Variants in ATF6 observed in about 807,000 individuals in gnomAD.
ATF6 encodes the protein cyclic AMP-dependent transcription factor ATF-6 alpha.
In ATF6, 53 loss-of-function variants were observed where a neutral mutation model predicts 83.6. That is an observed-to-expected ratio of 0.63 (90% CI 0.51 to 0.80). ATF6 has a LOEUF of 0.80. Ranked by LOEUF, ATF6 falls within the 30% of genes least tolerant of loss-of-function variation. The pLI, the probability that ATF6 is intolerant of heterozygous loss-of-function variation, is 0.00. For missense variants in ATF6, 744 were observed against 797.9 expected, an observed-to-expected ratio of 0.93 and a Z score of 0.81; for synonymous variants, 288 against 285.8, an observed-to-expected ratio of 1.01 and a Z score of -0.08.
rs1688999167 is a variant in ATF6 at position 161,957,884 on chromosome 1, C to T, written c.1805-562C>T. On this transcript the variant is annotated intron_variant, in intron 15 of 15. Transcript: ENST00000367942. The stretch of plus-strand genomic sequence containing the variant: ...CTATAACTTGTCAGTTTTCACTGTA[C>T]CTCACACTCCTAATGGCAAACCTTT... 3.3e-5 allele frequency among the ~76,000 whole-genome samples: 5 copies of T among 152,128 alleles called. No individual in the cohort carries two copies. In the South Asian group the frequency reaches 1.0e-3, roughly 32 times the overall value.
At chr1:161,920,739 CA>C (rs966351213) in intron 15 of ATF6, among the ~76,000 whole-genome samples, 4 of 151,940 alleles carry the variant, frequency 2.6e-5, no homozygotes, top group African/African-American at 7.3e-5. Flanking sequence ...CCCAGATGAT[CA>C]CAAAGTGACT....
intron 15 of ATF6, among the ~76,000 whole-genome samples, chr1:161,951,760 T>C (rs1688868360): frequency 6.6e-6 from 1 of 152,230 alleles, no homozygotes; most frequent in African/African-American, 2.4e-5. Flanking sequence ...ATGTAATTTC[T>C]GGTTTCACAG....
intron 9 of ATF6, among the ~76,000 whole-genome samples, chr1:161,843,452 G>A (rs1686405236): frequency 6.6e-6 from 1 of 152,080 alleles, no homozygotes; most frequent in South Asian, 2.1e-4. Context: ...TAAATTAATG[G>A]ATGAATCATT....
intron 14 of ATF6, among the ~76,000 whole-genome samples, chr1:161,889,985 A>G (rs1254270968): frequency 6.6e-6 from 1 of 152,236 alleles, no homozygotes; most frequent in Non-Finnish European, 1.5e-5. Context: ...ATGCAGATAT[A>G]TCAGTTTTTA....
At chr1:161,871,062 G>A (rs1489646070) in intron 14 of ATF6, among the ~76,000 whole-genome samples, 1 of 151,672 alleles carries the variant, frequency 6.6e-6, no homozygotes, top group Non-Finnish European at 1.5e-5. Flanking sequence ...GCTCGGCAGA[G>A]TAAGTCCTAA....
rs537816160 is a variant in ATF6 at position 161,962,933 on chromosome 1, A to G, written c.*4279A>G. The G allele has an allele frequency of 3.5e-4, 54 of 152,352 alleles. No individual in the cohort carries two copies. The highest frequency in any genetic ancestry group is 1.8e-3 in the Admixed American group (27 of 15,306). The allele number at this position is 152,352 out of a possible 1,614,324, so 9.4% of individuals were successfully genotyped here. On this transcript the variant is annotated 3_prime_UTR_variant, in exon 16 of 16. Coordinates refer to ENST00000367942, the MANE Select transcript of ATF6 (RefSeq NM_007348.4). ...AGAAATTAGGATTGTTGCTGCTAAT[A>G]TGAATACCAATTATAACTTTTAGAA... is the stretch of plus-strand genomic sequence containing the variant.
rs561474917 is a variant in ATF6, at chr1:161,938,740, A to G, written c.1805-19706A>G. Among the ~76,000 whole-genome samples the G allele has an allele frequency of 9.8e-5, 15 of 152,368 alleles. No homozygotes were observed. The East Asian group carries it at 2.9e-3, about 29-fold the overall frequency. On this transcript the variant is annotated intron_variant, in intron 15 of 15. Coordinates refer to ENST00000367942, the MANE Select transcript of ATF6 (RefSeq NM_007348.4). ...ACAGCTTATTATGAGGAAAGCTGCCATTCCTTTAAGAAGGTGAGTTTCTAT... is the reference window on the plus strand; with the variant it reads ...ACAGCTTATTATGAGGAAAGCTGCCGTTCCTTTAAGAAGGTGAGTTTCTAT...
At chr1:161,887,226 C>T (rs954831643) in intron 14 of ATF6, among the ~76,000 whole-genome samples, 6 of 151,384 alleles carry the variant, frequency 4.0e-5, no homozygotes, top group African/African-American at 1.5e-4. Flanking sequence ...CATATGCCAC[C>T]ACACCTGGCT....
At chr1:161,792,872 C>T (rs1684915193) in intron 6 of ATF6, among the ~76,000 whole-genome samples, 1 of 152,024 alleles carries the variant, frequency 6.6e-6, no homozygotes, top group African/African-American at 2.4e-5. Context: ...ACTTGTGATT[C>T]TATGAGAGGT....
chr1:161,797,974 A>G (rs1351162369), intron 6 of ATF6, among the ~76,000 whole-genome samples: 2 of 152,264 alleles, frequency 1.3e-5, no homozygotes, highest in East Asian at 3.8e-4. Flanking sequence ...AAACAGGCAC[A>G]TAGACCGATG....
Position 161,792,202 on chromosome 1 carries a change from C to T in ATF6, c.563C>T (p.Ala188Val), listed in dbSNP as rs376187541. The change falls in exon 6 of 16, where the codon GCA (alanine) becomes GTA (valine). Residue 188 changes from alanine to valine, a missense_variant. Transcript: ENST00000367942. ...CAGCCCAAGCCTTTATTGCTTCCAGCAGCACCCAAGACTCAAACAAACTCC... is the reference window on the plus strand; with the variant it reads ...CAGCCCAAGCCTTTATTGCTTCCAGTAGCACCCAAGACTCAAACAAACTCC... ...SIQPKPLLLPAAPKTQTNSSV... is the reference protein window; with the variant it reads ...SIQPKPLLLPVAPKTQTNSSV... The T allele has an allele frequency of 1.9e-6, 3 of 1,614,134 alleles. No homozygotes were observed. The Admixed American group carries it at 5.0e-5, about 27-fold the overall frequency.
intron 14 of ATF6, among the ~76,000 whole-genome samples, chr1:161,895,181 A>G (rs376198317): frequency 8.5e-5 from 13 of 152,114 alleles, no homozygotes; most frequent in Non-Finnish European, 1.6e-4. Flanking sequence ...AAGTTGTAGT[A>G]AGCTGAGATC....
chr1:161,831,955 AAAG>A (rs1388961106), intron 9 of ATF6, among the ~76,000 whole-genome samples: 7 of 150,944 alleles, frequency 4.6e-5, no homozygotes, highest in Admixed American at 3.9e-4. Flanking sequence ...AAAAAAAAAA[AAAG>A]AAAGAAAAAT....
In ATF6 at chr1:161,818,045, G is replaced by A. The variant is rs376984620; in HGVS notation, c.910-1588G>A. On this transcript the variant is annotated intron_variant, in intron 7 of 15. Coordinates refer to ENST00000367942, the MANE Select transcript of ATF6 (RefSeq NM_007348.4). Reference sequence around the variant, plus strand: ...GAACCTGGGAGGCGGAGCTTGCAGCGGGCCGAGATCTCCCCACCGTACTCC... The same window carrying A: ...GAACCTGGGAGGCGGAGCTTGCAGCAGGCCGAGATCTCCCCACCGTACTCC... 4.0e-5 allele frequency among the ~76,000 whole-genome samples: 6 copies of A among 148,296 alleles called. No individual in the cohort carries two copies. In the South Asian group the frequency reaches 6.5e-4, roughly 16 times the overall value.
In ATF6 at chr1:161,841,488, C is replaced by T. The variant is rs1414528717; in HGVS notation, c.1188-4961C>T. ...AAAAATAATAACAACCAAAAACAAACAAGTGAAAAACGTTAAAAGATTCTT... is the reference window on the plus strand; with the variant it reads ...AAAAATAATAACAACCAAAAACAAATAAGTGAAAAACGTTAAAAGATTCTT... On this transcript the variant is annotated intron_variant, in intron 9 of 15. Coordinates refer to ENST00000367942, the MANE Select transcript of ATF6 (RefSeq NM_007348.4). Among the ~76,000 whole-genome samples, 12 of 152,050 alleles carry T rather than the reference C, an allele frequency of 7.9e-5. No individual in the cohort carries two copies. In the South Asian group the frequency reaches 1.0e-3, roughly 13 times the overall value.
intron 6 of ATF6, among the ~76,000 whole-genome samples, chr1:161,800,060 A>G (rs1352886337): frequency 6.6e-6 from 1 of 152,172 alleles, no homozygotes; most frequent in Non-Finnish European, 1.5e-5. Context: ...TCAGCACCTT[A>G]TAAAAATCTG....
chr1:161,946,351 C>A (rs574482681), intron 15 of ATF6, among the ~76,000 whole-genome samples: 3 of 152,134 alleles, frequency 2.0e-5, no homozygotes, highest in Non-Finnish European at 4.4e-5. Context: ...GGGAAGAATT[C>A]TCTTTGATTT....
intron 9 of ATF6, among the ~76,000 whole-genome samples, chr1:161,827,711 G>A (rs891009615): frequency 2.6e-5 from 4 of 151,998 alleles, no homozygotes; most frequent in African/African-American, 4.8e-5. Context: ...ATTTCCTGAA[G>A]GCATTTGGTG....
In ATF6 at chr1:161,766,332, C is replaced by T; in HGVS notation, c.-29C>T. The T allele has an allele frequency of 6.2e-7, 1 of 1,600,308 alleles. No homozygotes were observed. Among genetic ancestry groups the T allele is most frequent in the Non-Finnish European group, 8.6e-7 (1 of 1,168,644 alleles). On this transcript the variant is annotated 5_prime_UTR_variant, in exon 1 of 16. The change creates a new upstream start codon in the 5' untranslated region. Transcript: ENST00000367942. ...CCGCCGCCGTCCCAGATATTAATCA[C>T]GGAGTTCCAGGGAGAAGGAACTTGT...
Sources: gnomAD v4.1 joint callset for allele counts (sites outside exome capture counted in the v4.1 genomes callset) on GRCh38, gnomAD v4.1.1 for gene constraint, MANE v1.5 for transcripts, NCBI Gene and HGNC (gene_info 2026-07-23, HGNC 2026-07-21) for gene names.